PCYT1A: variants seen among roughly 807,000 people sequenced by gnomAD.
The protein encoded by PCYT1A is choline-phosphate cytidylyltransferase A.
A neutral mutation model predicts 43.7 loss-of-function variants in PCYT1A; 25 were observed. The ratio of observed to expected loss-of-function variants is 0.57; its 90% CI spans 0.42 to 0.80. The LOEUF (loss-of-function observed/expected upper bound fraction) is 0.80. Ranked by LOEUF, PCYT1A falls within the 30% of genes least tolerant of loss-of-function variation. PCYT1A has a pLI of 0.00. For synonymous variants in PCYT1A, 172 were observed against 170.7 expected (o/e 1.01, Z -0.06); for missense variants, 421 against 474.2 (o/e 0.89, Z 1.04).
At chr3:196,257,428 G>A (rs1724983384) in intron 3 of PCYT1A, among the ~76,000 whole-genome samples, 1 of 152,174 alleles carries the variant, frequency 6.6e-6, no homozygotes, top group South Asian at 2.1e-4. Flanking sequence ...AGGTGGTGGG[G>A]AATTCTGAAG....
chr3:196,243,524 C>CTCTCCCTCTCCCCACGG lies in PCYT1A; in HGVS notation c.487-901_487-885dup, dbSNP rs1158365322. 5.9e-4 allele frequency among the ~76,000 whole-genome samples: 89 copies of CTCTCCCTCTCCCCACGG among 151,756 alleles called. No individual in the cohort carries two copies. The Middle Eastern group carries it at 0.014, about 23-fold the overall frequency. On this transcript the variant is annotated intron_variant, in intron 5 of 8. Coordinates refer to ENST00000431016, the MANE Select transcript of PCYT1A (RefSeq NM_001312673.2). ...TCCCCTCTCCCTTCTCCCCTCTCCC[C>CTCTCCCTCTCCCCACGG]TCTCCCTCTCCCCACGGTCTCCCTC...
rs528075520 is a variant in PCYT1A, at chr3:196,273,024, G to A, written c.-10-2483C>T. Among the ~76,000 whole-genome samples the A allele has an allele frequency of 6.6e-6, 1 of 152,152 alleles. No individual in the cohort carries two copies. Among genetic ancestry groups the A allele is most frequent in the Non-Finnish European group, 1.5e-5 (1 of 68,010 alleles). On this transcript the variant is annotated intron_variant, in intron 1 of 8. Transcript: ENST00000431016. This position sits in a 1 kb window ranked among gnomAD's most constrained non-coding sequence, Gnocchi z 4.1. The stretch of plus-strand genomic sequence containing the variant: ...ACGGAGCGGCAAGAGGTGCACAGGC[G>A]AGCCAGCACAGGGTCCGGCCACTGC...
rs371419016 is a variant in PCYT1A, at chr3:196,239,529, C to T, written c.897+18G>A. Reference sequence around the variant, plus strand: ...ACAACATGGAACTCCCTACATTGTCCAGTGGGAAAGAACATACCAGTGCTC... The same window carrying T: ...ACAACATGGAACTCCCTACATTGTCTAGTGGGAAAGAACATACCAGTGCTC... On this transcript the variant is annotated intron_variant, in intron 8 of 8. Transcript: ENST00000431016. The T allele has an allele frequency of 6.5e-7, 1 of 1,536,660 alleles. No individual in the cohort carries two copies. Among genetic ancestry groups the T allele is most frequent in the African/African-American group, 1.4e-5 (1 of 73,578 alleles).
At chr3:196,258,541 T>A (rs1725013192) in intron 2 of PCYT1A, among the ~76,000 whole-genome samples, 1 of 152,086 alleles carries the variant, frequency 6.6e-6, no homozygotes, top group African/African-American at 2.4e-5. Flanking sequence ...TTTCTACATA[T>A]AATATCATGT....
rs1724129965 is a variant in PCYT1A at position 196,235,310 on chromosome 3, A to C, written c.*3378T>G. 1 of 152,124 alleles carries C rather than the reference A, an allele frequency of 6.6e-6. No homozygotes were observed. 9.4% of individuals were successfully genotyped at this position (152,124 alleles called of 1,614,324 possible). A position where few individuals can be genotyped will look rare whatever the true frequency, so the allele number is the denominator to read the frequency against. The stretch of plus-strand genomic sequence containing the variant: ...CCAAAAACCACCATCACTCAGGTAC[A>C]GCCTCCAAAAACACCACCATCACTC... On this transcript the variant is annotated 3_prime_UTR_variant, in exon 9 of 9. Coordinates refer to ENST00000431016, the MANE Select transcript of PCYT1A (RefSeq NM_001312673.2). The surrounding 1 kb of genome is among the most constrained non-coding windows in gnomAD (Gnocchi z 4.3).
chr3:196,241,999 C>T lies in PCYT1A; in HGVS notation c.657G>A (p.Arg219=). The change falls in exon 7 of 9, where the codon CGG becomes CGA. Residue 219 remains arginine (R), a synonymous_variant. Coordinates refer to ENST00000431016, the MANE Select transcript of PCYT1A (RefSeq NM_001312673.2). ...TTGCTGTGTAGCCCCTCTGCAGGTTCCGCCTCGCATACACATCATAATCCC... is the reference window on the plus strand; with the variant it reads ...TTGCTGTGTAGCCCCTCTGCAGGTTTCGCCTCGCATACACATCATAATCCC... ...IVRDYDVYAR[R]NLQRGYTAKE... is the part of the protein sequence containing the mutation. The T allele has an allele frequency of 6.2e-7, 1 of 1,614,160 alleles. No individual in the cohort carries two copies. The highest frequency in any genetic ancestry group is 8.5e-7 in the Non-Finnish European group (1 of 1,180,030).
intron 1 of PCYT1A, among the ~76,000 whole-genome samples, chr3:196,284,504 G>A (rs1725850391): frequency 6.6e-6 from 1 of 152,176 alleles, no homozygotes; most frequent in Non-Finnish European, 1.5e-5. Context: ...ACAAGAGAAA[G>A]CAATAATGCT....
chr3:196,280,391 G>A (rs187332280), intron 1 of PCYT1A, among the ~76,000 whole-genome samples: 2 of 152,164 alleles, frequency 1.3e-5, no homozygotes, highest in East Asian at 3.9e-4. Context: ...ATGCTCAAAA[G>A]TCCCTTATAT....
chr3:196,247,523 T>C lies in PCYT1A; in HGVS notation c.335-5A>G. ...GTGTGAGCTCATCACTGCAAACTGG[T>C]TCACCACATCATAAATTGTGTGTTG... is the stretch of plus-strand genomic sequence containing the variant. On this transcript the variant is annotated splice_region_variant and splice_polypyrimidine_tract_variant and intron_variant, in intron 4 of 8. Transcript: ENST00000431016. The surrounding 1 kb of genome is among the most constrained non-coding windows in gnomAD (Gnocchi z 4.8). 1 of 1,613,996 alleles carries C rather than the reference T, an allele frequency of 6.2e-7. No individual in the cohort carries two copies. The highest frequency in any genetic ancestry group is 8.5e-7 in the Non-Finnish European group (1 of 1,179,844).
intron 1 of PCYT1A, among the ~76,000 whole-genome samples, chr3:196,280,584 T>C (rs1262445219): frequency 6.7e-6 from 1 of 148,930 alleles, no homozygotes; most frequent in Non-Finnish European, 1.5e-5. Flanking sequence ...TTTTTTTTTT[T>C]TTTTTCTGAA....
chr3:196,265,467 T>C (rs1478263864), intron 2 of PCYT1A, among the ~76,000 whole-genome samples: 1 of 152,242 alleles, frequency 6.6e-6, no homozygotes, highest in Non-Finnish European at 1.5e-5. Context: ...AAATGATTTA[T>C]ACTTATCGAC....
At chr3:196,244,903 A>G (rs1331268316) in intron 5 of PCYT1A, among the ~76,000 whole-genome samples, 5 of 151,678 alleles carry the variant, frequency 3.3e-5, no homozygotes, top group African/African-American at 4.9e-5. Context: ...CATGCTCGTT[A>G]AGAGTCATCA....
intron 1 of PCYT1A, among the ~76,000 whole-genome samples, chr3:196,274,355 C>T (rs1165602011): frequency 2.6e-5 from 4 of 152,268 alleles, no homozygotes; most frequent in Non-Finnish European, 2.9e-5. Flanking sequence ...CAGACCATGC[C>T]TCCCCGACTG....
Position 196,267,232 on chromosome 3 carries a change from TC to T in PCYT1A, c.117+3182del, listed in dbSNP as rs1412556539. 9.1e-5 allele frequency: 38 copies of T among 415,840 alleles called. No individual in the cohort carries two copies. The East Asian group carries it at 2.9e-3, about 32-fold the overall frequency. The allele number at this position is 415,840 out of a possible 1,614,324, so 25.8% of individuals were successfully genotyped here. A position where few individuals can be genotyped will look rare whatever the true frequency, so the allele number is the denominator to read the frequency against. ...TTGTACATGTTGCAGTACGAATGAA[TC>T]TTCAAAACAAGCTCAGTGAAAGAAG... On this transcript the variant is annotated intron_variant, in intron 2 of 8. Coordinates refer to ENST00000431016, the MANE Select transcript of PCYT1A (RefSeq NM_001312673.2).
chr3:196,278,520 T>C lies in PCYT1A; in HGVS notation c.-10-7979A>G, dbSNP rs566127790. 1.2e-4 allele frequency among the ~76,000 whole-genome samples: 19 copies of C among 152,194 alleles called. No individual in the cohort carries two copies. The South Asian group carries it at 3.3e-3, about 27-fold the overall frequency. The stretch of plus-strand genomic sequence containing the variant: ...GAGCCAATACAGTAGGAGGCGAACA[T>C]GGGGCAGTGCATTACTCAATGCCCT... On this transcript the variant is annotated intron_variant, in intron 1 of 8. Coordinates refer to ENST00000431016, the MANE Select transcript of PCYT1A (RefSeq NM_001312673.2).
At chr3:196,272,694 C>T (rs918532605) in intron 1 of PCYT1A, among the ~76,000 whole-genome samples, 3 of 152,194 alleles carry the variant, frequency 2.0e-5, no homozygotes, top group African/African-American at 7.2e-5. Flanking sequence ...TTCACAGTTT[C>T]CAGCTATTAA....
intron 1 of PCYT1A, 44 bp from the exon 2 acceptor site, chr3:196,270,585 GA>G (rs59713005): frequency 1.6e-6 from 2 of 1,265,584 alleles, no homozygotes; most frequent in South Asian, 2.4e-5. Context: ...ATTGGGGTGG[GA>G]AAAAGTTTGT....
At chr3:196,249,056 G>A (rs1345503470) in intron 3 of PCYT1A, among the ~76,000 whole-genome samples, 4 of 151,496 alleles carry the variant, frequency 2.6e-5, no homozygotes, top group East Asian at 2.0e-4. Context: ...AACCGCGCCC[G>A]GCCCAACTGC....
rs1229978370 is a variant in PCYT1A at position 196,286,684 on chromosome 3, C to T, written c.-11+931G>A. On this transcript the variant is annotated intron_variant, in intron 1 of 8. Transcript: ENST00000431016. ...ATCCCAGCATTTTGGGAGGCCTAGGCGGGTGGATCACCTGAGGTCAGCAGT... is the reference window on the plus strand; with the variant it reads ...ATCCCAGCATTTTGGGAGGCCTAGGTGGGTGGATCACCTGAGGTCAGCAGT... Among the ~76,000 whole-genome samples the T allele has an allele frequency of 3.9e-5, 6 of 152,128 alleles. No homozygotes were observed. In the South Asian group the frequency reaches 1.2e-3, roughly 32 times the overall value.
Sources: allele counts gnomAD v4.1 joint callset (sites outside exome capture counted in the v4.1 genomes callset), GRCh38; gene constraint gnomAD v4.1.1; non-coding constraint Gnocchi (gnomAD v3.1); transcripts MANE v1.5; gene names NCBI Gene and HGNC (gene_info 2026-07-23, HGNC 2026-07-21).